The following N4BP2L2 variants were observed in gnomAD, a reference collection of about 807,000 sequenced individuals.
N4BP2L2 encodes the protein NEDD4-binding protein 2-like 2.
Under a neutral mutation model 56.2 loss-of-function variants are expected in N4BP2L2, and 50 were observed. That is an observed-to-expected ratio of 0.89 (90% CI 0.71 to 1.13). N4BP2L2 has a LOEUF of 1.13. Ranked by LOEUF, N4BP2L2 falls within the 50% of genes most tolerant of loss-of-function variation. The probability of loss-of-function intolerance (pLI) is 0.00; values close to 1 mark genes in which losing one functional copy is unlikely to be tolerated. For synonymous variants in N4BP2L2, 203 were observed against 223.6 expected (o/e 0.91, Z 0.82); for missense variants, 689 against 693.8 (o/e 0.99, Z 0.08).
exon 3 of N4BP2L2, chr13:32,527,451 A>G: frequency 6.2e-7 from 1 of 1,614,060 alleles, no homozygotes; most frequent in Non-Finnish European, 8.5e-7. Flanking sequence ...GTTGATTAAC[A>G]TTATACCTGT....
Position 32,481,118 on chromosome 13 carries a change from C to CAAAAAAA in N4BP2L2, c.365+36732_365+36738dup, listed in dbSNP as rs60854435. The stretch of plus-strand genomic sequence containing the variant: ...TCAGCAACAGAGTGAGACTCTGTCT[C>CAAAAAAA]AAAAAAAAAAAAAAAAAAAAAAAAA... On this transcript the variant is annotated intron_variant, in intron 6 of 9. Transcript: ENST00000357505. 5.1e-3 allele frequency among the ~76,000 whole-genome samples: 106 copies of CAAAAAAA among 20,716 alleles called. 27 individuals carry two copies. Among genetic ancestry groups the CAAAAAAA allele is most frequent in the African/African-American group, 0.017 (94 of 5,408 alleles). The allele number at this position is 20,716 out of a possible 152,430, so 13.6% of individuals were successfully genotyped here.
intron 6 of N4BP2L2, among the ~76,000 whole-genome samples, chr13:32,473,737 G>T (rs1299282540): frequency 6.6e-6 from 1 of 152,168 alleles, no homozygotes; most frequent in African/African-American, 2.4e-5. Flanking sequence ...CAGCAACACT[G>T]TCTCTCTCTG....
downstream of N4BP2L2, chr13:32,509,293 T>C (rs2091419387): frequency 6.6e-6 from 1 of 152,222 alleles, no homozygotes; most frequent in African/African-American, 2.4e-5. Flanking sequence ...ATTTCCAGGT[T>C]AGATATGCTC....
At chr13:32,480,247 CCTACTATT>C (rs1053183386) in intron 6 of N4BP2L2, among the ~76,000 whole-genome samples, 1 of 152,100 alleles carries the variant, frequency 6.6e-6, no homozygotes, top group Admixed American at 6.5e-5. Flanking sequence ...GAACTGTCAA[CCTACTATT>C]CTATATCTAT....
At chr13:32,535,874 T>C in exon 2 of N4BP2L2, 1 of 1,614,156 alleles carries the variant, frequency 6.2e-7, no homozygotes, top group Non-Finnish European at 8.5e-7. Flanking sequence ...CACAAACCTG[T>C]CTGTTCCATT....
exon 7 of N4BP2L2, chr13:32,443,194 T>C (rs370954815): frequency 5.0e-6 from 8 of 1,613,788 alleles, no homozygotes; most frequent in Non-Finnish European, 6.8e-6. Context: ...AGGTGAAAAA[T>C]CTTCATTTCC....
intron 6 of N4BP2L2, among the ~76,000 whole-genome samples, chr13:32,498,192 G>C (rs1029747043): frequency 6.6e-5 from 10 of 152,084 alleles, no homozygotes; most frequent in Admixed American, 1.3e-4. Context: ...CACTATGTTG[G>C]CCAAGCTAGT....
intron 6 of N4BP2L2, among the ~76,000 whole-genome samples, chr13:32,473,590 T>A (rs2082715075): frequency 6.6e-6 from 1 of 152,266 alleles, no homozygotes; most frequent in Non-Finnish European, 1.5e-5. Flanking sequence ...TAGGTCTTAC[T>A]GGATTAAAAT....
intron 6 of N4BP2L2, among the ~76,000 whole-genome samples, chr13:32,476,615 G>C (rs1167444216): frequency 6.6e-6 from 1 of 151,864 alleles, no homozygotes; most frequent in Non-Finnish European, 1.5e-5. Flanking sequence ...TTTATCCAAG[G>C]GCTCAAAAAT....
chr13:32,443,455 T>C (rs1347256309), exon 7 of N4BP2L2: 2 of 1,613,848 alleles, frequency 1.2e-6, no homozygotes, highest in Non-Finnish European at 1.7e-6. Context: ...AGCCCAGTGA[T>C]TGATTTTAGT....
At chr13:32,517,828 G>C (rs142162740) in exon 6 of N4BP2L2, 1 of 1,613,604 alleles carries the variant, frequency 6.2e-7, no homozygotes, top group Non-Finnish European at 8.5e-7. Flanking sequence ...ACACAGACAC[G>C]ATTATGTGAG....
intron 6 of N4BP2L2, among the ~76,000 whole-genome samples, chr13:32,500,851 C>T (rs921695747): frequency 2.0e-5 from 3 of 150,176 alleles, no homozygotes; most frequent in Non-Finnish European, 3.0e-5. Flanking sequence ...ACAACTCTGT[C>T]ACTTTAGTCT....
rs1463766208 is a variant in N4BP2L2, at chr13:32,536,519, T to C, written c.509A>G (p.Asn170Ser). Residue 170 changes from asparagine to serine, a missense_variant, in exon 2 of 6, where the codon AAT becomes AGT. Coordinates refer to ENST00000267068, the Ensembl canonical transcript of N4BP2L2. Reference sequence around the variant, plus strand: ...TTCTTTGTAAAACTGGAATAATTCATTGTCAATCTCTGATTTTTCAGAGTT... The same window carrying C: ...TTCTTTGTAAAACTGGAATAATTCACTGTCAATCTCTGATTTTTCAGAGTT... 2.3e-5 allele frequency: 37 copies of C among 1,613,734 alleles called. 1 individual carries two copies. Among genetic ancestry groups the C allele is most frequent in the Non-Finnish European group, 3.1e-5 (36 of 1,179,984 alleles).
chr13:32,448,037 T>G (rs187230987), intron 6 of N4BP2L2, among the ~76,000 whole-genome samples: 1 of 152,328 alleles, frequency 6.6e-6, no homozygotes, highest in African/African-American at 2.4e-5. Context: ...CCAAGAGGTA[T>G]GAAAATCTGA....
chr13:32,469,290 T>C (rs899919660), intron 6 of N4BP2L2, among the ~76,000 whole-genome samples: 5 of 152,170 alleles, frequency 3.3e-5, no homozygotes, highest in African/African-American at 7.2e-5. Context: ...CTGTGCTGCA[T>C]GGATGGGCTC....
intron 2 of N4BP2L2, among the ~76,000 whole-genome samples, chr13:32,529,855 AGCTGT>A (rs1304807363): frequency 6.6e-6 from 1 of 151,596 alleles, no homozygotes; most frequent in Admixed American, 6.6e-5. Flanking sequence ...CCTCCTGAGT[AGCTGT>A]GACTACAGGC....
Position 32,535,752 on chromosome 13 carries a change from T to G in N4BP2L2, c.1259+17A>C. On this transcript the variant is annotated intron_variant, in intron 2 of 5. Coordinates refer to ENST00000267068, the Ensembl canonical transcript of N4BP2L2. ...AATAATGAATTACCAAGTATTCAGT[T>G]GGTATCCTTTACTTACCGAGACAAT... 1 of 1,602,072 alleles carries G rather than the reference T, an allele frequency of 6.2e-7. No homozygotes were observed. The highest frequency in any genetic ancestry group is 8.5e-7 in the Non-Finnish European group (1 of 1,174,370).
intron 6 of N4BP2L2, chr13:32,480,571 CTTGGAGTTT>C: frequency 8.1e-7 from 1 of 1,236,080 alleles, no homozygotes; most frequent in Non-Finnish European, 1.1e-6. Context: ...TATATCATTA[CTTGGAGTTT>C]CCATCTCACC....
chr13:32,535,126 T>C (rs971574243), intron 2 of N4BP2L2, among the ~76,000 whole-genome samples: 6 of 152,212 alleles, frequency 3.9e-5, no homozygotes, highest in African/African-American at 1.4e-4. Flanking sequence ...GTCATCTCAT[T>C]TGATTCCCAA....
Sources: gnomAD v4.1 joint callset for allele counts (sites outside exome capture counted in the v4.1 genomes callset) on GRCh38, gnomAD v4.1.1 for gene constraint, MANE v1.5 for transcripts, NCBI Gene and HGNC (gene_info 2026-07-23, HGNC 2026-07-21) for gene names.